The following GCSAML variants were observed in gnomAD, a reference collection of about 807,000 sequenced individuals.
The protein encoded by GCSAML is germinal center associated signaling and motility like.
A neutral mutation model predicts 13.0 loss-of-function variants in GCSAML; 9 were observed. That is an observed-to-expected ratio of 0.69 (90% CI 0.42 to 1.21). The LOEUF is 1.21. GCSAML is among the 50% of genes most tolerant of loss of function. The pLI, the probability that GCSAML is intolerant of heterozygous loss-of-function variation, is 0.00. For missense variants in GCSAML, 143 were observed against 153.4 expected (o/e 0.93, Z 0.36); for synonymous variants, 37 against 52.9 (o/e 0.70, Z 1.31).
At chr1:247,521,449 T>G (rs1243872278) in intron 1 of GCSAML, among the ~76,000 whole-genome samples, 1 of 152,132 alleles carries the variant, frequency 6.6e-6, no homozygotes, top group African/African-American at 2.4e-5. Context: ...TGGACTGTAC[T>G]GCCGCCATCT....
At chr1:247,562,522 G>T (rs1668169643) in intron 2 of GCSAML, among the ~76,000 whole-genome samples, 1 of 152,122 alleles carries the variant, frequency 6.6e-6, no homozygotes, top group Non-Finnish European at 1.5e-5. Flanking sequence ...TCTCTGCTCT[G>T]TTGCAAAATC....
chr1:247,533,911 A>G (rs1308797040), intron 2 of GCSAML: 2 of 152,242 alleles, frequency 1.3e-5, no homozygotes, highest in African/African-American at 4.8e-5. Flanking sequence ...ACATTAAGAC[A>G]TATGATCACA....
intron 1 of GCSAML, among the ~76,000 whole-genome samples, chr1:247,508,996 G>T (rs1295137782): frequency 6.6e-6 from 1 of 151,954 alleles, no homozygotes. Context: ...CTCTTTTTTT[G>T]GTTCCATCTG....
At chr1:247,509,297 GCT>G (rs1292401262) in intron 1 of GCSAML, among the ~76,000 whole-genome samples, 1 of 151,936 alleles carries the variant, frequency 6.6e-6, no homozygotes, top group Non-Finnish European at 1.5e-5. Flanking sequence ...TCATAATTTG[GCT>G]CTCTGTTTGT....
rs183567927 is a variant in GCSAML, at chr1:247,567,035, A to T, written c.168+1076A>T. On this transcript the variant is annotated intron_variant, in intron 4 of 4. Coordinates refer to ENST00000366488, the MANE Select transcript of GCSAML (RefSeq NM_145278.5). ...TTTATTATTCAAGTAAAATTAAAGC[A>T]CAATTAGTAGAAGCTTGGAGTGCAG... Among the ~76,000 whole-genome samples, 359 of 151,620 alleles carry T rather than the reference A, an allele frequency of 2.4e-3. 2 individuals carry two copies. The highest frequency in any genetic ancestry group is 7.4e-3 in the African/African-American group (307 of 41,464).
chr1:247,536,828 A>C (rs2103015075), intron 2 of GCSAML, among the ~76,000 whole-genome samples: 1 of 152,318 alleles, frequency 6.6e-6, no homozygotes, highest in South Asian at 2.1e-4. Context: ...ACATTTGCTC[A>C]TTCTGTTAAT....
rs1391304437 is a variant in GCSAML, at chr1:247,526,256, T to C, written c.-262-684T>C. The stretch of plus-strand genomic sequence containing the variant: ...CTTTCTTACCATGAGAAGCTTGCCA[T>C]GTTGAGGGTGATTATAATTTTTAAA... On this transcript the variant is annotated intron_variant, in intron 1 of 5. Transcript: ENST00000366489. The surrounding 1 kb of genome is among the most constrained non-coding windows in gnomAD (Gnocchi z 4.8). 2.6e-5 allele frequency: 4 copies of C among 152,200 alleles called. No homozygotes were observed. Among genetic ancestry groups the C allele is most frequent in the Non-Finnish European group, 5.9e-5 (4 of 68,032 alleles). 9.4% of individuals were successfully genotyped at this position (152,200 alleles called of 1,614,324 possible).
At position 247,527,176 on chromosome 1, in the gene GCSAML, T is replaced by C; in HGVS notation, c.-148+122T>C. 2.4e-6 allele frequency: 1 copy of C among 418,260 alleles called. No homozygotes were observed. The highest frequency in any genetic ancestry group is 1.8e-5 in the South Asian group (1 of 56,240). The allele number at this position is 418,260 out of a possible 1,614,324, so 25.9% of individuals were successfully genotyped here. ...CAATCAGCCTGAGCATTTAAGGCAG[T>C]TGGAGGAGAGTGTGAGTTATGGTCA... On this transcript the variant is annotated intron_variant, in intron 2 of 5. Coordinates refer to the GCSAML transcript ENST00000366489. The surrounding 1 kb of genome is among the most constrained non-coding windows in gnomAD (Gnocchi z 4.6).
intron 2 of GCSAML, among the ~76,000 whole-genome samples, chr1:247,534,746 C>A (rs1489500926): frequency 6.6e-6 from 1 of 152,192 alleles, no homozygotes; most frequent in Non-Finnish European, 1.5e-5. Flanking sequence ...ATTTACCTAT[C>A]CCTGTAACTG....
At chr1:247,516,408 A>G (rs1173040536) in intron 1 of GCSAML, among the ~76,000 whole-genome samples, 1 of 152,200 alleles carries the variant, frequency 6.6e-6, no homozygotes, top group African/African-American at 2.4e-5. Context: ...TCCATGTTAC[A>G]ATTTCCAAGC....
chr1:247,546,184 G>C (rs1667561575), upstream of GCSAML, among the ~76,000 whole-genome samples: 1 of 151,934 alleles, frequency 6.6e-6, no homozygotes, highest in Non-Finnish European at 1.5e-5. Flanking sequence ...CTAATGATGG[G>C]ACGGTTTCGC....
upstream of GCSAML, among the ~76,000 whole-genome samples, chr1:247,546,198 G>C (rs989933748): frequency 2.0e-5 from 3 of 152,060 alleles, no homozygotes; most frequent in African/African-American, 7.2e-5. Flanking sequence ...GTTTCGCTCT[G>C]TTGCTCAGGC....
chr1:247,568,795 C>T (rs983132346), intron 4 of GCSAML, among the ~76,000 whole-genome samples: 5 of 152,124 alleles, frequency 3.3e-5, no homozygotes, highest in Admixed American at 2.0e-4. Flanking sequence ...AATATTGATT[C>T]TTCCTATCCA....
chr1:247,547,412 A>T (rs1667619993), upstream of GCSAML, among the ~76,000 whole-genome samples: 1 of 152,168 alleles, frequency 6.6e-6, no homozygotes, highest in African/African-American at 2.4e-5. Context: ...ACAGAATGGG[A>T]GTTAGAGGTG....
intron 2 of GCSAML, among the ~76,000 whole-genome samples, chr1:247,537,396 T>C (rs578115888): frequency 2.4e-4 from 36 of 152,242 alleles, no homozygotes; most frequent in Non-Finnish European, 3.8e-4. Context: ...AGTTTGTTGA[T>C]GAACATTTGA....
intron 1 of GCSAML, among the ~76,000 whole-genome samples, chr1:247,553,175 A>G (rs1003805516): frequency 6.6e-6 from 1 of 152,156 alleles, no homozygotes; most frequent in African/African-American, 2.4e-5. Context: ...TCTTTGTTAG[A>G]TAGATTTCTA....
intron 4 of GCSAML, among the ~76,000 whole-genome samples, chr1:247,572,791 G>A (rs1363602966): frequency 2.0e-5 from 3 of 152,206 alleles, no homozygotes; most frequent in Non-Finnish European, 4.4e-5. Context: ...GTTTAAGTCC[G>A]TTGAAGCTGC....
chr1:247,571,800 A>G (rs1343860814), intron 4 of GCSAML, among the ~76,000 whole-genome samples: 2 of 152,188 alleles, frequency 1.3e-5, no homozygotes, highest in East Asian at 1.9e-4. Flanking sequence ...GTGTTTTCCA[A>G]CTTGATTCCA....
At chr1:247,536,213 TG>T (rs1237701076) in intron 2 of GCSAML, 1 of 152,128 alleles carries the variant, frequency 6.6e-6, no homozygotes, top group Non-Finnish European at 1.5e-5. Flanking sequence ...AGGGTGGAAA[TG>T]TTGTAAAATG....
Sources: allele counts gnomAD v4.1 joint callset (sites outside exome capture counted in the v4.1 genomes callset), GRCh38; gene constraint gnomAD v4.1.1; non-coding constraint Gnocchi (gnomAD v3.1); transcripts MANE v1.5; gene names NCBI Gene and HGNC (gene_info 2026-07-23, HGNC 2026-07-21).